The following ZNG1A variants were observed in gnomAD, a reference collection of about 807,000 sequenced individuals.
The protein encoded by ZNG1A is zinc-regulated GTPase metalloprotein activator 1A.
At chr9:162,402 T>C in the ZNG1A span, 1,036 of 1,454,058 alleles carry the variant, frequency 7.1e-4, 13 homozygotes, top group Non-Finnish European at 8.5e-4. Flanking sequence ...CTCTCAATAA[T>C]GACCCACTCA....
the ZNG1A span, chr9:122,425 GATTAAAGATTTTAT>G: frequency 8.9e-7 from 1 of 1,125,396 alleles, no homozygotes; most frequent in Non-Finnish European, 1.1e-6. Flanking sequence ...ATATCCTATT[GATTAAAGATTTTAT>G]ATAATGTTTC....
the ZNG1A span, among the ~76,000 whole-genome samples, chr9:144,496 T>C: frequency 1.3e-5 from 2 of 152,076 alleles, no homozygotes; most frequent in East Asian, 1.9e-4. Context: ...TAGCCATATG[T>C]AGAAAGCTGA....
chr9:157,721 T>C, the ZNG1A span, among the ~76,000 whole-genome samples: 2 of 148,386 alleles, frequency 1.3e-5, no homozygotes, highest in Admixed American at 1.4e-4. Flanking sequence ...TGAAATCTTT[T>C]ATGCCACATA....
At chr9:140,532 C>T in the ZNG1A span, among the ~76,000 whole-genome samples, 1 of 151,718 alleles carries the variant, frequency 6.6e-6, no homozygotes, top group Admixed American at 6.6e-5. Context: ...TCATCAAAGA[C>T]CAAAAGTAGA....
chr9:168,438 G>C, the ZNG1A span, among the ~76,000 whole-genome samples: 3 of 151,188 alleles, frequency 2.0e-5, no homozygotes, highest in East Asian at 3.9e-4. Context: ...ATTTTTAGCT[G>C]AGATGGGGTT....
At chr9:167,284 T>C in the ZNG1A span, 17 of 151,090 alleles carry the variant, frequency 1.1e-4, no homozygotes, top group East Asian at 3.1e-3. Context: ...ACAGCAAGCA[T>C]TGAAACTCAG....
chr9:168,522 G>T, the ZNG1A span, among the ~76,000 whole-genome samples: 1 of 150,510 alleles, frequency 6.6e-6, no homozygotes, highest in Non-Finnish European at 1.5e-5. Flanking sequence ...AAAGTGCTGA[G>T]ATTACAGGCA....
chr9:156,763 T>A, the ZNG1A span, among the ~76,000 whole-genome samples: 6 of 151,008 alleles, frequency 4.0e-5, no homozygotes, highest in Non-Finnish European at 8.9e-5. Flanking sequence ...GAAGAGGGCT[T>A]AGGATTTCAT....
the ZNG1A span, among the ~76,000 whole-genome samples, chr9:130,123 T>C: frequency 0.059 from 8,942 of 151,124 alleles, 568 homozygotes; most frequent in African/African-American, 0.1. Flanking sequence ...ATGCGGTGCA[T>C]GACTATACTT....
the ZNG1A span, among the ~76,000 whole-genome samples, chr9:128,354 T>G: frequency 6.6e-5 from 10 of 151,322 alleles, no homozygotes; most frequent in Non-Finnish European, 2.9e-5. Context: ...TCCAGATTTC[T>G]TGAAGGCTTT....
chr9:154,545 C>A, the ZNG1A span: 1 of 606,438 alleles, frequency 1.6e-6, no homozygotes, highest in East Asian at 2.8e-5. Flanking sequence ...TATGTATTAC[C>A]ATTTATATAA....
At chr9:178,912 G>C in the ZNG1A span, 8 of 1,143,458 alleles carry the variant, frequency 7.0e-6, 3 homozygotes, top group Non-Finnish European at 1.0e-5. Context: ...ACCAATTCAG[G>C]ACAATCCTCC....
the ZNG1A span, chr9:160,014 C>T: frequency 2.2e-6 from 1 of 453,500 alleles, no homozygotes; most frequent in East Asian, 7.0e-5. Flanking sequence ...CTCTGGGTAA[C>T]TTCATTCATT....
chr9:130,744 TATA>T, the ZNG1A span, among the ~76,000 whole-genome samples: 1 of 146,878 alleles, frequency 6.8e-6, no homozygotes, highest in East Asian at 2.0e-4. Flanking sequence ...TAAAGATTTT[TATA>T]ATGATTTTTG....
At chr9:162,724 T>A in the ZNG1A span, among the ~76,000 whole-genome samples, 1 of 150,982 alleles carries the variant, frequency 6.6e-6, no homozygotes, top group African/African-American at 2.5e-5. Context: ...AAATTTTAAA[T>A]TAAATAAATA....
the ZNG1A span, among the ~76,000 whole-genome samples, chr9:157,080 T>A: frequency 1.5e-5 from 2 of 132,750 alleles, no homozygotes; most frequent in African/African-American, 2.9e-5. Flanking sequence ...TAGAAACAAA[T>A]AAGTGGTGGG....
At chr9:174,508 A>G in the ZNG1A span, among the ~76,000 whole-genome samples, 11 of 152,240 alleles carry the variant, frequency 7.2e-5, no homozygotes, top group Admixed American at 7.2e-4. Context: ...ATGATCCAGG[A>G]AAAAATAAAG....
chr9:141,662 T>A, the ZNG1A span, among the ~76,000 whole-genome samples: 3 of 151,512 alleles, frequency 2.0e-5, no homozygotes, highest in Non-Finnish European at 4.4e-5. Context: ...GCTAACATCA[T>A]AATGACAGGA....
chr9:176,667 G>A, the ZNG1A span, among the ~76,000 whole-genome samples: 1 of 151,960 alleles, frequency 6.6e-6, no homozygotes, highest in African/African-American at 2.4e-5. Flanking sequence ...ATGAAGTATA[G>A]AATGGAAGAG....
Sources: allele counts gnomAD v4.1 joint callset (sites outside exome capture counted in the v4.1 genomes callset), GRCh38; gene constraint gnomAD v4.1.1; transcripts MANE v1.5; gene names NCBI Gene and HGNC (gene_info 2026-07-23, HGNC 2026-07-21).